Variants in ANKRD54 observed in about 807,000 individuals in gnomAD.
The protein encoded by ANKRD54 is ankyrin repeat domain 54, also known as ankyrin repeat domain-containing protein 54.
Under a neutral mutation model 36.2 loss-of-function variants are expected in ANKRD54, and 26 were observed. That is an observed-to-expected ratio of 0.72 (90% CI 0.53 to 1.00). The LOEUF (loss-of-function observed/expected upper bound fraction) is 1.00, where lower values mean the gene tolerates loss of function less well. ANKRD54 is among the 50% of genes least tolerant of loss of function. ANKRD54 has a pLI of 0.00. For missense variants in ANKRD54, 384 were observed against 424.3 expected (o/e 0.91, Z 0.83); for synonymous variants, 209 against 188.4 (o/e 1.11, Z -0.89).
chr22:37,838,452 A>C, intron 3 of ANKRD54, 48 bp downstream of exon 3: 2 of 1,552,212 alleles, frequency 1.3e-6, no homozygotes, highest in Non-Finnish European at 1.8e-6. Flanking sequence ...GCCTGTGCAG[A>C]GACACTACTT....
In ANKRD54 at chr22:37,843,904, C is replaced by T; in HGVS notation, c.328+7G>A. The T allele has an allele frequency of 8.1e-7, 1 of 1,227,388 alleles. No individual in the cohort carries two copies. The highest frequency in any genetic ancestry group is 1.0e-6 in the Non-Finnish European group (1 of 986,552). The allele number at this position is 1,227,388 out of a possible 1,614,324, so 76.0% of individuals were successfully genotyped here. Reference sequence around the variant, plus strand: ...CCCCGGGCCCCCGCGCCGCTCGCGCCGCTCACCGTGCACCTCCTTGCCCGT... The same window carrying T: ...CCCCGGGCCCCCGCGCCGCTCGCGCTGCTCACCGTGCACCTCCTTGCCCGT... On this transcript the variant is annotated splice_region_variant and intron_variant, in intron 1 of 7. Transcript: ENST00000215941.
rs374364722 is a variant in ANKRD54 at position 37,838,709 on chromosome 22, G to C, written c.377-111C>G. Reference sequence around the variant, plus strand: ...CAGGGGTGCCTCTAGACAAGACATCGACAATGCATAGGAAAGCAGCCCTTC... The same window carrying C: ...CAGGGGTGCCTCTAGACAAGACATCCACAATGCATAGGAAAGCAGCCCTTC... On this transcript the variant is annotated intron_variant, in intron 2 of 7. Transcript: ENST00000215941. The C allele has an allele frequency of 3.9e-6, 4 of 1,021,700 alleles. No homozygotes were observed. In the Admixed American group the frequency reaches 9.0e-5, roughly 23 times the overall value. 63.3% of individuals were successfully genotyped at this position (1,021,700 alleles called of 1,614,324 possible). A position where few individuals can be genotyped will look rare whatever the true frequency, so the allele number is the denominator to read the frequency against.
chr22:37,831,634 A>C lies in ANKRD54; in HGVS notation c.*309T>G. 1 of 388,672 alleles carries C rather than the reference A, an allele frequency of 2.6e-6. No individual in the cohort carries two copies. The highest frequency in any genetic ancestry group is 4.8e-6 in the Non-Finnish European group (1 of 209,134). The allele number at this position is 388,672 out of a possible 1,614,324, so 24.1% of individuals were successfully genotyped here. A position where few individuals can be genotyped will look rare whatever the true frequency, so the allele number is the denominator to read the frequency against. On this transcript the variant is annotated 3_prime_UTR_variant, in exon 8 of 8. Coordinates refer to ENST00000215941, the MANE Select transcript of ANKRD54 (RefSeq NM_138797.4). ...AGCGCGCCATGAAGGCCATGGGGCA[A>C]GTGAGGTCTGCTGAGATAGCGCAGG...
chr22:37,836,701 C>T (rs944741960), intron 3 of ANKRD54, among the ~76,000 whole-genome samples: 3 of 151,202 alleles, frequency 2.0e-5, no homozygotes, highest in Non-Finnish European at 4.4e-5. Context: ...CGAACCTGCA[C>T]GTTCTGCACA....
Position 37,838,364 on chromosome 22 carries a change from A to G in ANKRD54, c.475+136T>C. On this transcript the variant is annotated intron_variant, in intron 3 of 7. Coordinates refer to ENST00000215941, the MANE Select transcript of ANKRD54 (RefSeq NM_138797.4). ...GCTAACAGAGGGAGAAGGGCAGGGCACTGCAGTGCCAAGTCTTCCTTATAT... is the reference window on the plus strand; with the variant it reads ...GCTAACAGAGGGAGAAGGGCAGGGCGCTGCAGTGCCAAGTCTTCCTTATAT... 2.5e-6 allele frequency: 2 copies of G among 797,742 alleles called. 1 individual carries two copies. The highest frequency in any genetic ancestry group is 3.6e-5 in the South Asian group (2 of 55,322). 49.4% of individuals were successfully genotyped at this position (797,742 alleles called of 1,614,324 possible).
chr22:37,845,643 G>T (rs574190789), upstream of ANKRD54, among the ~76,000 whole-genome samples: 3 of 152,204 alleles, frequency 2.0e-5, no homozygotes, highest in East Asian at 5.8e-4. Context: ...GGCCAAAATG[G>T]GCAGATGACA....
chr22:37,849,317 T>C (rs753404414), upstream of ANKRD54: 1 of 1,097,652 alleles, frequency 9.1e-7, no homozygotes, highest in Admixed American at 1.7e-5. Flanking sequence ...TATGGCTGTC[T>C]CAGATGGCCA....
At chr22:37,838,434 C>T (rs1352185568) in intron 3 of ANKRD54, 66 bp downstream of exon 3, 3 of 1,480,910 alleles carry the variant, frequency 2.0e-6, no homozygotes, top group Non-Finnish European at 2.8e-6. Context: ...AGCAGCGCCT[C>T]CCCCAAGGCC....
chr22:37,844,181 C>G lies in ANKRD54; in HGVS notation c.58G>C (p.Glu20Gln), dbSNP rs1451394448. 1 of 1,509,380 alleles carries G rather than the reference C, an allele frequency of 6.6e-7. No homozygotes were observed. Among genetic ancestry groups the G allele is most frequent in the Non-Finnish European group, 8.8e-7 (1 of 1,136,956 alleles). 93.5% of individuals were successfully genotyped at this position (1,509,380 alleles called of 1,614,324 possible). Residue 20 changes from glutamate (E) to glutamine (Q), a missense_variant, in exon 1 of 8, where the codon GAG becomes CAG. By Grantham distance (29) the Glu-to-Gln change is conservative. Coordinates refer to ENST00000215941, the MANE Select transcript of ANKRD54 (RefSeq NM_138797.4). ...TCCGGCGCCACCGCGCACTCGCCCT[C>G]CGAGCTCGAGTGGCCTGAGCGCGGC... Reference protein sequence around the residue: ...DEPRSGHSSSEGECAVAPEPL... With the variant: ...DEPRSGHSSSQGECAVAPEPL...
At chr22:37,835,179 A>G (rs1196666703) in intron 3 of ANKRD54, among the ~76,000 whole-genome samples, 3 of 152,050 alleles carry the variant, frequency 2.0e-5, no homozygotes, top group Non-Finnish European at 2.9e-5. Flanking sequence ...CCTGACCAAC[A>G]TGGTGAAATC....
intron 3 of ANKRD54, among the ~76,000 whole-genome samples, chr22:37,836,745 T>A (rs1923600220): frequency 6.7e-6 from 1 of 149,558 alleles, no homozygotes; most frequent in Middle Eastern, 3.5e-3. Context: ...AAAAAAAAAA[T>A]GGCCCGGGCA....
chr22:37,847,825 A>G, upstream of ANKRD54: 1 of 418,872 alleles, frequency 2.4e-6, no homozygotes, highest in Non-Finnish European at 4.9e-6. Context: ...GTGACAGCAC[A>G]AGGAAGAAAC....
At position 37,831,997 on chromosome 22, in the gene ANKRD54, G is replaced by A; in HGVS notation, c.849C>T (p.Leu283=). The part of the protein sequence containing the change: ...TKEQVDEVTD[L]LASFTSLSLQ... The stretch of plus-strand genomic sequence containing the variant: ...GACTGAGGGAGGTGAAGCTGGCCAG[G>A]AGGTCAGTCACTTCATCCACCTGCA... Residue 283 remains leucine (L), a synonymous_variant, in exon 8 of 8, where the codon CTC becomes CTT. Coordinates refer to ENST00000215941, the MANE Select transcript of ANKRD54 (RefSeq NM_138797.4). 1.2e-6 allele frequency: 2 copies of A among 1,613,456 alleles called. No individual in the cohort carries two copies. Among genetic ancestry groups the A allele is most frequent in the Non-Finnish European group, 1.7e-6 (2 of 1,179,800 alleles).
upstream of ANKRD54, among the ~76,000 whole-genome samples, chr22:37,845,045 T>C (rs970614321): frequency 2.0e-5 from 3 of 149,226 alleles, no homozygotes; most frequent in Non-Finnish European, 3.0e-5. Context: ...AAAAAGAACT[T>C]CCCACAAATG....
chr22:37,841,897 A>G, intron 1 of ANKRD54, among the ~76,000 whole-genome samples: 1 of 148,178 alleles, frequency 6.7e-6, no homozygotes, highest in African/African-American at 2.5e-5. Flanking sequence ...ATAAATAAAT[A>G]AAATAAAAAC....
intron 2 of ANKRD54, 92 bp from the exon 3 acceptor site, chr22:37,838,690 T>C: frequency 7.6e-7 from 1 of 1,318,424 alleles, no homozygotes; most frequent in South Asian, 1.3e-5. Context: ...GGCTCAGGGG[T>C]GCCTCTAGAC....
Position 37,840,225 on chromosome 22 carries a change from C to T in ANKRD54, c.338G>A (p.Arg113Lys). ...ATTGGCATTGGCCGAGTCCCTCAGTCTCTTCAGAGCTGTAAAGAGAGTAAC... is the reference window on the plus strand; with the variant it reads ...ATTGGCATTGGCCGAGTCCCTCAGTTTCTTCAGAGCTGTAAAGAGAGTAAC... Reference protein sequence around the residue: ...PTGKEVHALKRLRDSANANDV... With the variant: ...PTGKEVHALKKLRDSANANDV... Residue 113 changes from arginine to lysine, a missense_variant, in exon 2 of 8, where the codon AGA becomes AAA. Physicochemically the swap from Arg to Lys is conservative, Grantham distance 26. Around this residue, in one of 3 missense-constraint regions of ANKRD54, gnomAD observed 10 missense variants for 22.5 expected, o/e 0.44. Coordinates refer to ENST00000215941, the MANE Select transcript of ANKRD54 (RefSeq NM_138797.4). 6.2e-7 allele frequency: 1 copy of T among 1,614,006 alleles called. No homozygotes were observed. The highest frequency in any genetic ancestry group is 8.5e-7 in the Non-Finnish European group (1 of 1,179,926).
chr22:37,833,107 A>G (rs1422237640), intron 5 of ANKRD54, 25 bp from the exon 6 acceptor site: 1 of 1,613,928 alleles, frequency 6.2e-7, no homozygotes, highest in African/African-American at 1.3e-5. Flanking sequence ...TGAGGTGAGC[A>G]TTCTGGGGGT....
upstream of ANKRD54, among the ~76,000 whole-genome samples, chr22:37,845,841 C>A (rs545803967): frequency 6.9e-6 from 1 of 144,744 alleles, no homozygotes; most frequent in East Asian, 2.1e-4. Context: ...GGCACTCCAG[C>A]CTGGGTGACA....
Sources: allele counts gnomAD v4.1 joint callset (sites outside exome capture counted in the v4.1 genomes callset), GRCh38; gene constraint gnomAD v4.1.1; regional missense constraint gnomAD v4.1.1; transcripts MANE v1.5; gene names NCBI Gene and HGNC (gene_info 2026-07-23, HGNC 2026-07-21).